Variants in PTPRS observed in about 807,000 individuals in gnomAD.
PTPRS encodes the protein protein tyrosine phosphatase receptor type S.
Under a neutral mutation model 215.3 loss-of-function variants are expected in PTPRS, and 63 were observed. The ratio of observed to expected loss-of-function variants is 0.29; its 90% CI spans 0.24 to 0.36. The LOEUF (loss-of-function observed/expected upper bound fraction) is 0.36, where lower values mean the gene tolerates loss of function less well. PTPRS is among the 10% of genes least tolerant of loss of function. The probability of loss-of-function intolerance (pLI) is 1.00; values close to 1 mark genes in which losing one functional copy is unlikely to be tolerated. For synonymous variants in PTPRS, 1,404 were observed against 1,191.4 expected (o/e 1.18, Z -3.68); for missense variants, 2,258 against 2,825.8 (o/e 0.80, Z 4.56).
rs911383379 is a variant in PTPRS at position 5,210,905 on chromosome 19, T to G, written c.5235-100A>C. 105 of 1,460,484 alleles carry G rather than the reference T, an allele frequency of 7.2e-5. No homozygotes were observed. Among genetic ancestry groups the G allele is most frequent in the Admixed American group, 8.6e-5 (4 of 46,508 alleles). 90.5% of individuals were successfully genotyped at this position (1,460,484 alleles called of 1,614,324 possible). On this transcript the variant is annotated intron_variant, in intron 33 of 37. Coordinates refer to ENST00000262963, the MANE Select transcript of PTPRS (RefSeq NM_002850.4). This position sits in a 1 kb window ranked among gnomAD's most constrained non-coding sequence, Gnocchi z 4.5. ...GGGTCAGGACCAAGCCAGTGACAGCTACACCTACCACCCCACTGCCTGCCA... is the reference window on the plus strand; with the variant it reads ...GGGTCAGGACCAAGCCAGTGACAGCGACACCTACCACCCCACTGCCTGCCA...
In PTPRS at chr19:5,208,377, C is replaced by A; in HGVS notation, c.5502G>T (p.Arg1834=). The A allele has an allele frequency of 6.2e-7, 1 of 1,601,464 alleles. No homozygotes were observed. The highest frequency in any genetic ancestry group is 1.1e-5 in the South Asian group (1 of 89,262). The change falls in exon 36 of 38, where the codon CGG becomes CGT. Residue 1834 remains arginine (R), a synonymous_variant. Transcript: ENST00000262963. ...KVTDARDGQS[R]TVRQFQFTDW... Reference sequence around the variant, plus strand: ...CTGTGAACTGGAACTGCCGGACAGTCCGGGACTGGCCATCCTAGAGTGCAG... The same window carrying A: ...CTGTGAACTGGAACTGCCGGACAGTACGGGACTGGCCATCCTAGAGTGCAG...
Position 5,278,062 on chromosome 19 carries a change from A to G in PTPRS, c.92-3718T>C, listed in dbSNP as rs529263927. 2.0e-4 allele frequency: 204 copies of G among 1,044,330 alleles called. 1 individual carries two copies. In the African/African-American group the frequency reaches 2.7e-3, roughly 14 times the overall value. The allele number at this position is 1,044,330 out of a possible 1,614,324, so 64.7% of individuals were successfully genotyped here. On this transcript the variant is annotated intron_variant, in intron 2 of 37. Coordinates refer to ENST00000262963, the MANE Select transcript of PTPRS (RefSeq NM_002850.4). ...GTTTCCTCCAAGAAACGCAAAACCA[A>G]CGTGGAAAGGGCCGCCCAGCTGCCG... is the stretch of plus-strand genomic sequence containing the variant.
At chr19:5,236,849 G>GTAA (rs2043487895) in intron 13 of PTPRS, among the ~76,000 whole-genome samples, 27 of 128,274 alleles carry the variant, frequency 2.1e-4, no homozygotes, top group East Asian at 9.8e-4. Context: ...GGAGCAGGGG[G>GTAA]AAAAAAAAAA....
At chr19:5,296,487 C>T (rs937450613) in intron 1 of PTPRS, among the ~76,000 whole-genome samples, 4 of 151,938 alleles carry the variant, frequency 2.6e-5, no homozygotes, top group African/African-American at 7.3e-5. Context: ...GGCGACAGAG[C>T]GAGACTCTAT....
intron 1 of PTPRS, among the ~76,000 whole-genome samples, chr19:5,305,085 C>G (rs969442803): frequency 6.6e-6 from 1 of 152,154 alleles, no homozygotes; most frequent in Non-Finnish European, 1.5e-5. Flanking sequence ...GTGTTAGGAT[C>G]TACACCCAAC....
intron 3 of PTPRS, 75 bp from the exon 4 acceptor site, chr19:5,273,658 C>T (rs752632608): frequency 1.0e-5 from 16 of 1,568,258 alleles, no homozygotes; most frequent in Non-Finnish European, 1.4e-5. Context: ...CTGGGCTAGG[C>T]TGGGCTGTAG....
intron 4 of PTPRS, among the ~76,000 whole-genome samples, chr19:5,266,950 C>T (rs1333058040): frequency 2.0e-5 from 3 of 152,136 alleles, no homozygotes; most frequent in Non-Finnish European, 4.4e-5. Flanking sequence ...CTAAATGCCC[C>T]CACACTCCTC....
intron 2 of PTPRS, among the ~76,000 whole-genome samples, chr19:5,282,063 T>C (rs2047899792): frequency 6.6e-6 from 1 of 152,064 alleles, no homozygotes; most frequent in Admixed American, 6.6e-5. Flanking sequence ...CTGAGATACC[T>C]GCTTATGTGG....
intron 28 of PTPRS, 58 bp downstream of exon 28, chr19:5,215,231 T>C: frequency 6.2e-7 from 1 of 1,603,050 alleles, no homozygotes; most frequent in Non-Finnish European, 8.5e-7. Flanking sequence ...AGACATGGGA[T>C]CTAGCACTTT....
chr19:5,212,738 G>A (rs2041026927), intron 30 of PTPRS, among the ~76,000 whole-genome samples: 1 of 152,090 alleles, frequency 6.6e-6, no homozygotes, highest in East Asian at 1.9e-4. Context: ...AGCTACTTGG[G>A]AGGCTGAGGC....
intron 19 of PTPRS, among the ~76,000 whole-genome samples, chr19:5,221,709 C>T (rs895294217): frequency 1.3e-5 from 2 of 152,036 alleles, no homozygotes; most frequent in East Asian, 3.9e-4. Flanking sequence ...GACTTGGCAC[C>T]AACTCCAGAC....
intron 2 of PTPRS, chr19:5,278,048 G>A (rs1418698149): frequency 8.5e-7 from 1 of 1,172,074 alleles, no homozygotes; most frequent in Non-Finnish European, 1.2e-6. Flanking sequence ...TTTCCTCCAA[G>A]AAACGCAAAA....
chr19:5,222,624 G>A (rs2042092441), intron 18 of PTPRS, 65 bp downstream of exon 18: 3 of 1,430,962 alleles, frequency 2.1e-6, no homozygotes, highest in Non-Finnish European at 2.7e-6. Flanking sequence ...GAGAGGGAGG[G>A]GGCTGGGGTG....
chr19:5,225,463 G>C (rs1367241355), intron 17 of PTPRS, among the ~76,000 whole-genome samples: 2 of 152,132 alleles, frequency 1.3e-5, no homozygotes, highest in African/African-American at 4.8e-5. Flanking sequence ...GAGGGCAAAG[G>C]GGTCAGAGGT....
At chr19:5,309,118 G>A (rs1568602899) in intron 1 of PTPRS, among the ~76,000 whole-genome samples, 3 of 152,144 alleles carry the variant, frequency 2.0e-5, no homozygotes, top group Admixed American at 6.5e-5. Flanking sequence ...CCAAAAACTG[G>A]AGCTGGCAGC....
In PTPRS at chr19:5,265,012, T is replaced by C. The variant is rs935727166; in HGVS notation, c.564A>G (p.Arg188=). 57 of 1,613,888 alleles carry C rather than the reference T, an allele frequency of 3.5e-5. 1 individual carries two copies. The highest frequency in any genetic ancestry group is 4.5e-5 in the East Asian group (2 of 44,872). The change falls in exon 5 of 38, where the codon CGA becomes CGG. Residue 188 remains arginine (R), a synonymous_variant. Transcript: ENST00000262963. ...SASNGRIKQL[R]SETFESTPIR... ...CTGTCAGCCACCCTCACTCACCTGA[T>C]CGCAGCTGTTTGATGCGTCCATTGC... is the stretch of plus-strand genomic sequence containing the variant.
intron 1 of PTPRS, among the ~76,000 whole-genome samples, chr19:5,333,899 C>T (rs757918125): frequency 6.6e-6 from 1 of 152,178 alleles, no homozygotes; most frequent in Non-Finnish European, 1.5e-5. Flanking sequence ...GCTCGCACAC[C>T]ATGCTTGTCA....
intron 2 of PTPRS, among the ~76,000 whole-genome samples, chr19:5,274,743 C>T (rs112245179): frequency 0.038 from 5,756 of 152,294 alleles, 358 homozygotes; most frequent in African/African-American, 0.13. Context: ...ACCTGAACCC[C>T]CCCTCCATGG....
chr19:5,305,422 C>T (rs534539498), intron 1 of PTPRS, among the ~76,000 whole-genome samples: 1 of 152,114 alleles, frequency 6.6e-6, no homozygotes, highest in African/African-American at 2.4e-5. Flanking sequence ...TGAGGCATGC[C>T]TGTGGTTGTA....
Sources: gnomAD v4.1 joint callset for allele counts (sites outside exome capture counted in the v4.1 genomes callset) on GRCh38, gnomAD v4.1.1 for gene constraint, Gnocchi (gnomAD v3.1) non-coding constraint, MANE v1.5 for transcripts, NCBI Gene and HGNC (gene_info 2026-07-23, HGNC 2026-07-21) for gene names.